Variants in RPS6KC1 observed in about 807,000 individuals in gnomAD.
The protein encoded by RPS6KC1 is ribosomal protein S6 kinase C1.
Under a neutral mutation model 103.8 loss-of-function variants are expected in RPS6KC1, and 54 were observed. That is an observed-to-expected ratio of 0.52 (90% CI 0.42 to 0.65). The LOEUF (loss-of-function observed/expected upper bound fraction) is 0.65, where lower values mean the gene tolerates loss of function less well. RPS6KC1 is among the 30% of genes least tolerant of loss of function. The probability of loss-of-function intolerance (pLI) is 0.00; values close to 1 mark genes in which losing one functional copy is unlikely to be tolerated. For missense variants in RPS6KC1, 1,151 were observed against 1,253.8 expected (o/e 0.92, Z 1.24); for synonymous variants, 439 against 438.7 (o/e 1.00, Z -0.01).
chr1:213,292,611 G>A, the RPS6KC1 span, among the ~76,000 whole-genome samples: 41 of 152,216 alleles, frequency 2.7e-4, no homozygotes, highest in East Asian at 6.6e-3. Flanking sequence ...GGAGGAGACC[G>A]TGCATCACAC....
At chr1:213,543,295 G>A in the RPS6KC1 span, among the ~76,000 whole-genome samples, 1 of 152,190 alleles carries the variant, frequency 6.6e-6, no homozygotes, top group African/African-American at 2.4e-5. Flanking sequence ...ATGGATTGGA[G>A]GCCAGCGGCA....
chr1:213,856,465 TTCCC>T, the RPS6KC1 span, among the ~76,000 whole-genome samples: 9 of 145,922 alleles, frequency 6.2e-5, no homozygotes, highest in Admixed American at 6.2e-4. Context: ...CCTTCCTTCC[TTCCC>T]TCCCTCCCTT....
the RPS6KC1 span, among the ~76,000 whole-genome samples, chr1:213,772,166 AC>A: frequency 6.6e-6 from 1 of 152,138 alleles, no homozygotes; most frequent in African/African-American, 2.4e-5. Flanking sequence ...TACCTCTGAC[AC>A]TCCAAGGATA....
chr1:213,065,530 C>A (rs1422787300), intron 1 of RPS6KC1, among the ~76,000 whole-genome samples: 1 of 152,184 alleles, frequency 6.6e-6, no homozygotes, highest in Non-Finnish European at 1.5e-5. Flanking sequence ...TTTTTGCACT[C>A]AATTCACATT....
intron 1 of RPS6KC1, among the ~76,000 whole-genome samples, chr1:213,055,201 TC>T (rs1263517422): frequency 1.2e-4 from 18 of 152,214 alleles, no homozygotes; most frequent in South Asian, 2.1e-4. Flanking sequence ...TCCCTCATGT[TC>T]CTTTGCAGTC....
chr1:213,707,403 T>A, the RPS6KC1 span, among the ~76,000 whole-genome samples: 1 of 152,338 alleles, frequency 6.6e-6, no homozygotes, highest in Non-Finnish European at 1.5e-5. Flanking sequence ...GTTGTTTTTT[T>A]TTCTTGTAAA....
At chr1:213,442,768 A>T in the RPS6KC1 span, among the ~76,000 whole-genome samples, 1 of 152,132 alleles carries the variant, frequency 6.6e-6, no homozygotes, top group Non-Finnish European at 1.5e-5. Flanking sequence ...TTTCTCGGGA[A>T]CTGCTCTCTC....
At chr1:213,512,808 A>G in the RPS6KC1 span, among the ~76,000 whole-genome samples, 1 of 152,178 alleles carries the variant, frequency 6.6e-6, no homozygotes, top group Non-Finnish European at 1.5e-5. Flanking sequence ...ATCTATCTCT[A>G]GTTGCCACCC....
At chr1:213,632,199 G>A in the RPS6KC1 span, among the ~76,000 whole-genome samples, 1 of 152,152 alleles carries the variant, frequency 6.6e-6, no homozygotes, top group South Asian at 2.1e-4. Context: ...TGAAATTGTG[G>A]ATACAGCTGC....
chr1:213,771,123 C>CTTTGTTTG, the RPS6KC1 span, among the ~76,000 whole-genome samples: 82 of 151,022 alleles, frequency 5.4e-4, no homozygotes, highest in East Asian at 3.0e-3. Flanking sequence ...CTTCTCTCTC[C>CTTTGTTTG]TTTGTTTGTT....
At chr1:213,201,020 A>G (rs1484073296) in intron 8 of RPS6KC1, among the ~76,000 whole-genome samples, 3 of 152,204 alleles carry the variant, frequency 2.0e-5, no homozygotes, top group African/African-American at 7.2e-5. Flanking sequence ...ACTAATGGGC[A>G]CTAGGCTTAA....
intron 6 of RPS6KC1, among the ~76,000 whole-genome samples, chr1:213,138,545 G>A (rs75906987): frequency 1.3e-5 from 2 of 152,022 alleles, no homozygotes; most frequent in African/African-American, 2.4e-5. Flanking sequence ...AGTGTCTATT[G>A]TTCCCTTCTG....
chr1:213,446,011 G>C, the RPS6KC1 span, among the ~76,000 whole-genome samples: 5 of 152,140 alleles, frequency 3.3e-5, no homozygotes, highest in African/African-American at 1.2e-4. Context: ...ATGCAGTCCA[G>C]GTCTTCTGCT....
the RPS6KC1 span, among the ~76,000 whole-genome samples, chr1:213,462,869 T>C: frequency 6.6e-6 from 1 of 152,196 alleles, no homozygotes; most frequent in Non-Finnish European, 1.5e-5. Context: ...CCTGCACGTT[T>C]GGCACATATA....
At chr1:213,339,083 G>A in the RPS6KC1 span, among the ~76,000 whole-genome samples, 4 of 152,056 alleles carry the variant, frequency 2.6e-5, no homozygotes, top group Non-Finnish European at 5.9e-5. Flanking sequence ...GTCCAGCATG[G>A]TGAAACTCCA....
the RPS6KC1 span, among the ~76,000 whole-genome samples, chr1:213,335,663 C>T: frequency 6.6e-6 from 1 of 152,318 alleles, no homozygotes. Context: ...GGTCATGTGG[C>T]CACACCAAGA....
At position 213,209,695 on chromosome 1, in the gene RPS6KC1, CAAAAAAAAAAAAA is replaced by C. The variant is rs60840755; in HGVS notation, c.1045-20788_1045-20776del. Among the ~76,000 whole-genome samples, 356 of 54,174 alleles carry C rather than the reference CAAAAAAAAAAAAA, an allele frequency of 6.6e-3. 2 individuals carry two copies. The highest frequency in any genetic ancestry group is 0.023 in the African/African-American group (327 of 14,448). 35.5% of individuals were successfully genotyped at this position (54,174 alleles called of 152,430 possible). A position where few individuals can be genotyped will look rare whatever the true frequency, so the allele number is the denominator to read the frequency against. On this transcript the variant is annotated intron_variant, in intron 8 of 14. Transcript: ENST00000366960. ...GGGCAACAAGAGCAAAACTCCGTCT[CAAAAAAAAAAAAA>C]AAAAAAAAAAAAAGGAATAGAAGAA...
At chr1:213,113,041 G>A (rs889811386) in intron 4 of RPS6KC1, among the ~76,000 whole-genome samples, 2 of 152,124 alleles carry the variant, frequency 1.3e-5, no homozygotes, top group African/African-American at 4.8e-5. Context: ...ATGTGTCTTT[G>A]TAGCAGCATG....
the RPS6KC1 span, among the ~76,000 whole-genome samples, chr1:213,348,073 A>G: frequency 6.6e-6 from 1 of 152,194 alleles, no homozygotes; most frequent in African/African-American, 2.4e-5. Flanking sequence ...GACCTCAGTC[A>G]TCTCTTTACC....
Sources: allele counts gnomAD v4.1 joint callset (sites outside exome capture counted in the v4.1 genomes callset), GRCh38; gene constraint gnomAD v4.1.1; transcripts MANE v1.5; gene names NCBI Gene and HGNC (gene_info 2026-07-23, HGNC 2026-07-21).